Variants in GPLD1 observed in about 807,000 individuals in gnomAD.
The protein encoded by GPLD1 is glycosylphosphatidylinositol specific phospholipase D1.
In GPLD1, 84 loss-of-function variants were observed where a neutral mutation model predicts 112.6. That is an observed-to-expected ratio of 0.75 (90% CI 0.63 to 0.89). The LOEUF is 0.89. Among genes scored for constraint, GPLD1 ranks in the 40% least tolerant of loss-of-function variants. The pLI is 0.00. For synonymous variants in GPLD1, 386 were observed against 403.8 expected (o/e 0.96, Z 0.53); for missense variants, 1,044 against 1,051.5 (o/e 0.99, Z 0.10).
chr6:24,433,765 G>A (rs1050765313), intron 22 of GPLD1, among the ~76,000 whole-genome samples: 1 of 151,742 alleles, frequency 6.6e-6, no homozygotes, highest in Non-Finnish European at 1.5e-5. Context: ...AAAGTGCTGG[G>A]ATTACAGGCA....
chr6:24,428,940 A>G lies in GPLD1; in HGVS notation c.*92T>C. Reference sequence around the variant, plus strand: ...GTCTATCAGGATCTACCACCGCTCCACTGGATGTGCCACTTTGTCCATCAA... The same window carrying G: ...GTCTATCAGGATCTACCACCGCTCCGCTGGATGTGCCACTTTGTCCATCAA... On this transcript the variant is annotated 3_prime_UTR_variant, in exon 25 of 25. Transcript: ENST00000230036. 1 of 812,170 alleles carries G rather than the reference A, an allele frequency of 1.2e-6. No individual in the cohort carries two copies. Among genetic ancestry groups the G allele is most frequent in the South Asian group, 1.9e-5 (1 of 53,554 alleles). The allele number at this position is 812,170 out of a possible 1,614,324, so 50.3% of individuals were successfully genotyped here. A position where few individuals can be genotyped will look rare whatever the true frequency, so the allele number is the denominator to read the frequency against.
intron 22 of GPLD1, among the ~76,000 whole-genome samples, chr6:24,434,576 A>T (rs1264225426): frequency 3.3e-5 from 5 of 151,986 alleles, no homozygotes; most frequent in Non-Finnish European, 7.4e-5. Flanking sequence ...TTCCTCGCTG[A>T]TCTTTAATTT....
At chr6:24,443,166 A>T (rs1350628228) in intron 20 of GPLD1, among the ~76,000 whole-genome samples, 1 of 152,172 alleles carries the variant, frequency 6.6e-6, no homozygotes, top group Non-Finnish European at 1.5e-5. Context: ...TGAACGAAGG[A>T]GGACGAACGT....
Position 24,441,200 on chromosome 6 carries a change from G to A in GPLD1, c.2021-3911C>T, listed in dbSNP as rs1581736618. ...GCGTGCCTGTAGTTCCAGCTACTCA[G>A]GAGAATGAAACAGGAGAACTGCATG... On this transcript the variant is annotated intron_variant, in intron 20 of 24. Coordinates refer to ENST00000230036, the MANE Select transcript of GPLD1 (RefSeq NM_001503.4). 4.6e-5 allele frequency among the ~76,000 whole-genome samples: 7 copies of A among 151,878 alleles called. No homozygotes were observed. The South Asian group carries it at 1.5e-3, about 32-fold the overall frequency.
intron 20 of GPLD1, among the ~76,000 whole-genome samples, chr6:24,443,419 G>A (rs1581739363): frequency 1.3e-5 from 2 of 152,046 alleles, no homozygotes; most frequent in East Asian, 3.9e-4. Context: ...ACGGCACTTG[G>A]GGCGTGACTG....
intron 14 of GPLD1, among the ~76,000 whole-genome samples, chr6:24,451,332 CTTTTTTT>C (rs76706819): frequency 1.3e-5 from 2 of 151,566 alleles, no homozygotes; most frequent in Middle Eastern, 3.2e-3. Flanking sequence ...AATTCTTTCT[CTTTTTTT>C]TGTTTTTGTT....
chr6:24,447,037 G>C (rs754435165), intron 17 of GPLD1, 58 bp from the exon 18 acceptor site: 21 of 1,485,786 alleles, frequency 1.4e-5, no homozygotes, highest in Non-Finnish European at 1.9e-5. Context: ...CTACTGGGAT[G>C]AAAAGAAAGG....
upstream of GPLD1, among the ~76,000 whole-genome samples, chr6:24,490,018 A>G (rs558405706): frequency 1.3e-5 from 2 of 152,324 alleles, no homozygotes; most frequent in South Asian, 4.1e-4. Context: ...AAGTGCTGGG[A>G]AAGTTTTATG....
chr6:24,449,992 C>G, intron 14 of GPLD1, 93 bp from the exon 15 acceptor site: 1 of 761,980 alleles, frequency 1.3e-6, no homozygotes, highest in Non-Finnish European at 2.1e-6. Flanking sequence ...CTGGGACAAC[C>G]CCCGCCCCCC....
At chr6:24,424,770 TAAC>T (rs1409202481), downstream of GPLD1, 3 of 152,166 alleles carry the variant, frequency 2.0e-5, no homozygotes, top group Non-Finnish European at 2.9e-5. Context: ...AATGTAATAA[TAAC>T]AGAATAAATA....
intron 8 of GPLD1, 113 bp from the exon 9 acceptor site, chr6:24,467,052 T>C: frequency 9.0e-7 from 1 of 1,105,706 alleles, no homozygotes; most frequent in African/African-American, 1.5e-5. Flanking sequence ...CAACTGCCTT[T>C]GAATAAGCAG....
In GPLD1 at chr6:24,495,001, C is replaced by T. The variant is rs780751641; in HGVS notation, n.205G>A. ...GTCGCCGTCGTTGCCCGGGCCATGG[C>T]GACCTGCATTTGGCTGCGGAGCTGT... is the stretch of plus-strand genomic sequence containing the variant. On this transcript the variant is annotated non_coding_transcript_exon_variant, in exon 1 of 11. Transcript: ENST00000474784. 13 of 1,318,440 alleles carry T rather than the reference C, an allele frequency of 9.9e-6. No homozygotes were observed. The highest frequency in any genetic ancestry group is 6.2e-5 in the Admixed American group (2 of 32,440). The allele number at this position is 1,318,440 out of a possible 1,614,324, so 81.7% of individuals were successfully genotyped here.
chr6:24,436,952 G>C (rs1012867740), intron 21 of GPLD1, among the ~76,000 whole-genome samples, 161 bp downstream of exon 21: 10 of 152,198 alleles, frequency 6.6e-5, no homozygotes, highest in Admixed American at 6.5e-4. Flanking sequence ...TTCAAGAAGT[G>C]CAACTCCCTC....
At chr6:24,435,824 C>CCAAAAAAAAAAAAAAAAA (rs1762556598) in intron 22 of GPLD1, 1 of 32,898 alleles carries the variant, frequency 3.0e-5, no homozygotes, top group Non-Finnish European at 6.6e-5. Context: ...GACGCTGTCT[C>CCAAAAAAAAAAAAAAAAA]AAAAAAAAAA....
At chr6:24,470,523 AAAAGT>A (rs1273159026) in intron 7 of GPLD1, among the ~76,000 whole-genome samples, 1 of 152,262 alleles carries the variant, frequency 6.6e-6, no homozygotes, top group Non-Finnish European at 1.5e-5. Context: ...AAACCTGATA[AAAAGT>A]AAAGAAATAA....
intron 10 of GPLD1, among the ~76,000 whole-genome samples, chr6:24,463,247 A>G (rs1414558589): frequency 6.6e-6 from 1 of 152,232 alleles, no homozygotes; most frequent in Admixed American, 6.5e-5. Context: ...CCCCTTTTAC[A>G]AGTGAAAAAG....
intron 17 of GPLD1, 108 bp downstream of exon 17, chr6:24,447,769 G>T: frequency 1.0e-6 from 1 of 991,254 alleles, no homozygotes; most frequent in Non-Finnish European, 1.5e-6. Flanking sequence ...AGAAAATGTT[G>T]GTGAAATGAT....
chr6:24,434,239 AAC>A (rs1762499710), intron 22 of GPLD1, among the ~76,000 whole-genome samples: 1 of 151,896 alleles, frequency 6.6e-6, no homozygotes, highest in Non-Finnish European at 1.5e-5. Context: ...CTCTACTAAA[AAC>A]ACAAAAATTA....
intron 11 of GPLD1, 77 bp downstream of exon 11, chr6:24,462,653 C>A: frequency 1.1e-6 from 1 of 893,982 alleles, no homozygotes; most frequent in South Asian, 1.4e-5. Flanking sequence ...CAACAGATCC[C>A]GTGTTCTCAA....
Sources: allele counts gnomAD v4.1 joint callset (sites outside exome capture counted in the v4.1 genomes callset), GRCh38; gene constraint gnomAD v4.1.1; transcripts MANE v1.5; gene names NCBI Gene and HGNC (gene_info 2026-07-23, HGNC 2026-07-21).